The following GRID1 variants were observed in gnomAD, a reference collection of about 807,000 sequenced individuals.
The protein encoded by GRID1 is glutamate receptor ionotropic, delta-1.
GRID1 carries 28 observed loss-of-function variants against 98.0 expected under a neutral mutation model. The observed-to-expected ratio is 0.29, with a 90% CI of 0.21 to 0.39. The LOEUF is 0.39. Ranked by LOEUF, GRID1 falls within the 10% of genes least tolerant of loss-of-function variation. The pLI, the probability that GRID1 is intolerant of heterozygous loss-of-function variation, is 1.00. For missense variants in GRID1, 1,111 were observed against 1,340.5 expected (o/e 0.83, Z 2.67); for synonymous variants, 553 against 538.5 (o/e 1.03, Z -0.37).
intron 3 of GRID1, among the ~76,000 whole-genome samples, chr10:86,184,659 T>C (rs1413233307): frequency 6.6e-6 from 1 of 152,128 alleles, no homozygotes; most frequent in Non-Finnish European, 1.5e-5. Context: ...ACACACTGTA[T>C]TGATTATTGT....
At chr10:85,684,865 T>G (rs9663200) in intron 12 of GRID1, among the ~76,000 whole-genome samples, 11,817 of 152,230 alleles carry the variant, frequency 0.078, 661 homozygotes, top group African/African-American at 0.16. Flanking sequence ...CTTCACTGTA[T>G]CCCACATGAG....
intron 6 of GRID1, among the ~76,000 whole-genome samples, chr10:85,862,233 A>G (rs58549051): frequency 0.074 from 11,256 of 152,280 alleles, 674 homozygotes; most frequent in African/African-American, 0.17. Context: ...AACATTTATG[A>G]AAGGTCTAAC....
At chr10:85,823,342 A>G (rs1012189261) in intron 8 of GRID1, among the ~76,000 whole-genome samples, 10 of 152,154 alleles carry the variant, frequency 6.6e-5, no homozygotes, top group African/African-American at 2.2e-4. Flanking sequence ...AAAATCCATG[A>G]TATGTTCAAG....
intron 3 of GRID1, among the ~76,000 whole-genome samples, chr10:86,143,428 CAG>C (rs747930080): frequency 2.6e-5 from 4 of 152,132 alleles, no homozygotes; most frequent in Non-Finnish European, 5.9e-5. Flanking sequence ...GCTGCTCACA[CAG>C]AGAGAACTCC....
chr10:85,774,130 G>A (rs989150860), intron 8 of GRID1, among the ~76,000 whole-genome samples: 1 of 152,118 alleles, frequency 6.6e-6, no homozygotes, highest in Non-Finnish European at 1.5e-5. Context: ...AACAGAGATA[G>A]CGATCAATGG....
At chr10:86,345,591 C>T (rs6586006) in intron 2 of GRID1, among the ~76,000 whole-genome samples, 38,115 of 152,142 alleles carry the variant, frequency 0.25, 6,575 homozygotes, top group East Asian at 0.5. Context: ...GCCCTGAATC[C>T]AGAGCACAGA....
chr10:86,033,189 G>C lies in GRID1; in HGVS notation c.726+105630C>G, dbSNP rs993164436. 1.9e-4 allele frequency among the ~76,000 whole-genome samples: 29 copies of C among 152,030 alleles called. No homozygotes were observed. In the East Asian group the frequency reaches 5.5e-3, roughly 29 times the overall value. On this transcript the variant is annotated intron_variant, in intron 4 of 15. Transcript: ENST00000327946. ...ATTCTTTGCAAAAATTGAAATCACTGTCCTGAGTCAAGCAGAAGAGCTGGA... is the reference window on the plus strand; with the variant it reads ...ATTCTTTGCAAAAATTGAAATCACTCTCCTGAGTCAAGCAGAAGAGCTGGA...
intron 4 of GRID1, among the ~76,000 whole-genome samples, chr10:86,024,377 A>G (rs772984208): frequency 6.6e-6 from 1 of 152,216 alleles, no homozygotes; most frequent in Non-Finnish European, 1.5e-5. Flanking sequence ...TGTGTAGGAT[A>G]GAGTGCAGGG....
At chr10:85,771,068 G>T (rs1014561187) in intron 8 of GRID1, among the ~76,000 whole-genome samples, 1 of 152,216 alleles carries the variant, frequency 6.6e-6, no homozygotes, top group East Asian at 1.9e-4. Flanking sequence ...AGGGCAGCCA[G>T]AGAGAAAGGT....
chr10:85,958,890 G>A (rs1842227962), intron 4 of GRID1, among the ~76,000 whole-genome samples: 1 of 151,140 alleles, frequency 6.6e-6, no homozygotes. Flanking sequence ...CCAGGAGCCA[G>A]AGGTTGTGGT....
intron 4 of GRID1, among the ~76,000 whole-genome samples, chr10:86,013,490 T>G (rs1842944026): frequency 2.6e-5 from 4 of 152,250 alleles, no homozygotes; most frequent in African/African-American, 9.6e-5. Flanking sequence ...GTTTCTGATA[T>G]GGTCTCTTAC....
intron 2 of GRID1, among the ~76,000 whole-genome samples, chr10:86,360,989 T>C (rs1232765006): frequency 6.6e-6 from 1 of 152,184 alleles, no homozygotes; most frequent in East Asian, 1.9e-4. Context: ...CTGCCTTTGC[T>C]CTCCATCCCT....
chr10:85,634,521 TAGAA>T (rs1221226523), intron 13 of GRID1, among the ~76,000 whole-genome samples: 1 of 152,058 alleles, frequency 6.6e-6, no homozygotes, highest in Non-Finnish European at 1.5e-5. Context: ...ACAAAAATGG[TAGAA>T]AGAGACAGCT....
chr10:86,302,156 T>C (rs1463238377), intron 2 of GRID1, among the ~76,000 whole-genome samples: 1 of 152,198 alleles, frequency 6.6e-6, no homozygotes, highest in Non-Finnish European at 1.5e-5. Flanking sequence ...CACAGCCAGG[T>C]GAGGTCTCTG....
intron 2 of GRID1, among the ~76,000 whole-genome samples, chr10:86,345,513 C>CT (rs1307503525): frequency 6.6e-6 from 1 of 152,222 alleles, no homozygotes; most frequent in Non-Finnish European, 1.5e-5. Flanking sequence ...AGGGATGGGC[C>CT]TCAGCCATGT....
chr10:86,238,834 T>A (rs914677906), intron 2 of GRID1, among the ~76,000 whole-genome samples: 1 of 152,038 alleles, frequency 6.6e-6, no homozygotes, highest in African/African-American at 2.4e-5. Flanking sequence ...AAAGGATGTA[T>A]GAAAATGCCT....
At chr10:85,654,544 A>G (rs1225075254) in intron 12 of GRID1, among the ~76,000 whole-genome samples, 1 of 152,164 alleles carries the variant, frequency 6.6e-6, no homozygotes, top group Non-Finnish European at 1.5e-5. Flanking sequence ...GCTCTCTTCT[A>G]TCCTCTATGT....
intron 8 of GRID1, among the ~76,000 whole-genome samples, chr10:85,819,712 G>A (rs191706925): frequency 3.3e-5 from 5 of 151,854 alleles, no homozygotes; most frequent in Middle Eastern, 3.2e-3. Context: ...TCAAGAGTTC[G>A]AGACCAGCCT....
At chr10:86,364,143 C>A in intron 1 of GRID1, 47 bp from the exon 2 acceptor site, 1 of 1,559,762 alleles carries the variant, frequency 6.4e-7, no homozygotes, top group Non-Finnish European at 8.8e-7. Context: ...AGAACCCTCT[C>A]CCCGCTTCCC....
Sources: allele counts gnomAD v4.1 joint callset (sites outside exome capture counted in the v4.1 genomes callset), GRCh38; gene constraint gnomAD v4.1.1; transcripts MANE v1.5; gene names NCBI Gene and HGNC (gene_info 2026-07-23, HGNC 2026-07-21).